MAF: variants seen among roughly 807,000 people sequenced by gnomAD.
MAF encodes MAF bZIP transcription factor, also known as transcription factor Maf.
Under a neutral mutation model 22.0 loss-of-function variants are expected in MAF, and 10 were observed. The observed-to-expected ratio is 0.45, with a 90% confidence interval of 0.28 to 0.77. The LOEUF is 0.77. Among genes scored for constraint, MAF ranks in the 30% least tolerant of loss-of-function variants. The pLI, the probability that MAF is intolerant of heterozygous loss-of-function variation, is 0.12. For synonymous variants in MAF, 337 were observed against 255.8 expected, an observed-to-expected ratio of 1.32 and a Z score of -3.03; for missense variants, 544 against 548.4, an observed-to-expected ratio of 0.99 and a Z score of 0.08.
intron 1 of MAF, chr16:79,597,472 C>A (rs570656515): frequency 2.1e-5 from 22 of 1,025,080 alleles, no homozygotes; most frequent in East Asian, 6.4e-5. Context: ...CAAAGTGGGG[C>A]GTCATTCTTA....
chr16:79,444,239 G>T, the MAF span, among the ~76,000 whole-genome samples: 1 of 151,818 alleles, frequency 6.6e-6, no homozygotes, highest in Non-Finnish European at 1.5e-5. Flanking sequence ...AAAAACAACA[G>T]GATTTATAGC....
At chr16:79,448,663 G>T in the MAF span, among the ~76,000 whole-genome samples, 1 of 151,852 alleles carries the variant, frequency 6.6e-6, no homozygotes, top group African/African-American at 2.4e-5. Flanking sequence ...CAGACCTTGT[G>T]ATCCACACGC....
the MAF span, among the ~76,000 whole-genome samples, chr16:79,254,790 G>C: frequency 0.81 from 123,338 of 152,156 alleles, 51,403 homozygotes; most frequent in African/African-American, 0.91. Context: ...GCAAACTACA[G>C]CAGATGAACT....
the MAF span, among the ~76,000 whole-genome samples, chr16:79,418,746 C>G: frequency 6.6e-6 from 1 of 152,114 alleles, no homozygotes; most frequent in Non-Finnish European, 1.5e-5. Context: ...CTTATTGTCG[C>G]TAAGATTTAT....
At chr16:79,375,938 G>A in the MAF span, among the ~76,000 whole-genome samples, 1 of 152,170 alleles carries the variant, frequency 6.6e-6, no homozygotes, top group African/African-American at 2.4e-5. Context: ...CTGCACTGGA[G>A]ATCTGGGTGA....
the MAF span, among the ~76,000 whole-genome samples, chr16:79,336,700 A>G: frequency 6.6e-6 from 1 of 152,130 alleles, no homozygotes; most frequent in Admixed American, 6.5e-5. Context: ...AGCATTTCTT[A>G]TTTTACTCCA....
At chr16:79,349,694 G>A in the MAF span, among the ~76,000 whole-genome samples, 1 of 152,184 alleles carries the variant, frequency 6.6e-6, no homozygotes, top group East Asian at 1.9e-4. Flanking sequence ...TCGTGGTGAT[G>A]TTTGGCTTCA....
the MAF span, among the ~76,000 whole-genome samples, chr16:79,319,299 G>A: frequency 6.6e-6 from 1 of 152,132 alleles, no homozygotes; most frequent in Non-Finnish European, 1.5e-5. Context: ...CGGGGGAGAG[G>A]ACTTAATTAA....
At chr16:79,498,537 G>C in the MAF span, among the ~76,000 whole-genome samples, 3 of 152,280 alleles carry the variant, frequency 2.0e-5, no homozygotes, top group East Asian at 5.8e-4. Context: ...GGCTTAGATC[G>C]TGCTTACCTG....
At chr16:79,421,480 T>C in the MAF span, among the ~76,000 whole-genome samples, 1 of 152,226 alleles carries the variant, frequency 6.6e-6, no homozygotes, top group Non-Finnish European at 1.5e-5. Flanking sequence ...CAGTATGTAG[T>C]CTTTTCAGAC....
chr16:79,474,052 G>A, the MAF span, among the ~76,000 whole-genome samples: 1 of 152,106 alleles, frequency 6.6e-6, no homozygotes, highest in Non-Finnish European at 1.5e-5. Context: ...AGAGGGCACA[G>A]GAGAGAGGAA....
the MAF span, among the ~76,000 whole-genome samples, chr16:79,328,968 T>G: frequency 6.6e-6 from 1 of 152,200 alleles, no homozygotes; most frequent in Admixed American, 6.5e-5. Flanking sequence ...TGTGTCTGTC[T>G]TTAGCTCTTC....
the MAF span, among the ~76,000 whole-genome samples, chr16:79,511,642 T>C: frequency 3.3e-5 from 5 of 152,350 alleles, no homozygotes; most frequent in East Asian, 5.8e-4. Context: ...TAAGATAATA[T>C]GTATGGTACA....
At chr16:79,401,852 G>C in the MAF span, among the ~76,000 whole-genome samples, 1 of 152,146 alleles carries the variant, frequency 6.6e-6, no homozygotes. Flanking sequence ...GAAGGGGTTT[G>C]GCTAGGGTCA....
At chr16:79,334,672 G>T in the MAF span, among the ~76,000 whole-genome samples, 1 of 152,116 alleles carries the variant, frequency 6.6e-6, no homozygotes, top group Non-Finnish European at 1.5e-5. Flanking sequence ...TAAGTGTGGG[G>T]CCCTGCATTG....
chr16:79,570,238 T>C, the MAF span, among the ~76,000 whole-genome samples: 1 of 152,128 alleles, frequency 6.6e-6, no homozygotes. Flanking sequence ...CTAAGCATCC[T>C]TCTGGGCTCT....
chr16:79,206,384 C>G, the MAF span: 1 of 152,234 alleles, frequency 6.6e-6, no homozygotes, highest in Non-Finnish European at 1.5e-5. Context: ...AAGTCACTCA[C>G]TCTACGTAAT....
the MAF span, among the ~76,000 whole-genome samples, chr16:79,343,146 G>C: frequency 6.6e-6 from 1 of 152,062 alleles, no homozygotes; most frequent in Non-Finnish European, 1.5e-5. Context: ...CGTCCCTTCG[G>C]GTGACATTGT....
the MAF span, among the ~76,000 whole-genome samples, chr16:79,381,580 C>T: frequency 6.6e-6 from 1 of 152,270 alleles, no homozygotes; most frequent in Non-Finnish European, 1.5e-5. Context: ...AGATGATGCT[C>T]CCCCCATTCC....
Sources: gnomAD v4.1 joint callset for allele counts (sites outside exome capture counted in the v4.1 genomes callset) on GRCh38, gnomAD v4.1.1 for gene constraint, MANE v1.5 for transcripts, NCBI Gene and HGNC (gene_info 2026-07-23, HGNC 2026-07-21) for gene names.